ATP2A1: variants seen among roughly 807,000 people sequenced by gnomAD.
ATP2A1 encodes the protein sarcoplasmic/endoplasmic reticulum calcium ATPase 1.
In ATP2A1, 83 loss-of-function variants were observed where a neutral mutation model predicts 109.5. The ratio of observed to expected loss-of-function variants is 0.76; its 90% confidence interval spans 0.63 to 0.91. The LOEUF is 0.91. Ranked by LOEUF, ATP2A1 falls within the 40% of genes least tolerant of loss-of-function variation. ATP2A1 has a pLI of 0.00. For synonymous variants in ATP2A1, 505 were observed against 537.6 expected (o/e 0.94, Z 0.84); for missense variants, 1,101 against 1,341.0 (o/e 0.82, Z 2.80).
chr16:28,894,228 C>T lies in ATP2A1; in HGVS notation c.1169C>T (p.Ala390Val). ...NEFSITGSTYAPEGEVLKNDK... is the reference protein window; with the variant it reads ...NEFSITGSTYVPEGEVLKNDK... ...TTCTCCATCACCGGCTCCACTTACG[C>T]TCCAGAGGGAGAGGTGTAAGTCACC... is the stretch of plus-strand genomic sequence containing the variant. Residue 390 changes from alanine to valine, a missense_variant, in exon 10 of 23, where the codon GCT becomes GTT. By Grantham distance (64) the Ala-to-Val change is moderately conservative (BLOSUM62 0). Transcript: ENST00000395503. 1.2e-6 allele frequency: 2 copies of T among 1,613,988 alleles called. No homozygotes were observed. Among genetic ancestry groups the T allele is most frequent in the Non-Finnish European group, 1.7e-6 (2 of 1,179,966 alleles).
At chr16:28,894,771 CAGGT>C (rs781448979) in intron 11 of ATP2A1, 47 bp from the exon 12 acceptor site, 33 of 1,609,144 alleles carry the variant, frequency 2.1e-5, no homozygotes, top group Non-Finnish European at 2.4e-5. Context: ...GAGGGTATGA[CAGGT>C]AGGAGCCTGG....
At position 28,897,580 on chromosome 16, in the gene ATP2A1, G is replaced by A. The variant is rs185802807; in HGVS notation, c.1420-420G>A. Among the ~76,000 whole-genome samples the A allele has an allele frequency of 4.1e-4, 62 of 151,988 alleles. No individual in the cohort carries two copies. The East Asian group carries it at 0.011, about 26-fold the overall frequency. On this transcript the variant is annotated intron_variant, in intron 12 of 22. Transcript: ENST00000395503. ...TTCTGAGACGGAGTCTCGCTTTGTC[G>A]CCCAGGCTGGAGTACAATGGTGCGA...
rs1963649738 is a variant in ATP2A1 at position 28,887,618 on chromosome 16, A to G, written c.824A>G (p.Asn275Ser). The change falls in exon 8 of 23, where the codon AAC becomes AGC. Residue 275 changes from asparagine (N) to serine (S), a missense_variant. Physicochemically the swap from Asn to Ser is conservative, Grantham distance 46. Transcript: ENST00000395503. ...ATCTGTGTGGCTGTCTGGCTTATCA[A>G]CATTGGCCACTTCAACGACCCCGTC... Reference protein sequence around the residue: ...SLICVAVWLINIGHFNDPVHG... With the variant: ...SLICVAVWLISIGHFNDPVHG... 2 of 1,613,972 alleles carry G rather than the reference A, an allele frequency of 1.2e-6. No individual in the cohort carries two copies. The highest frequency in any genetic ancestry group is 2.7e-5 in the African/African-American group (2 of 74,892).
At chr16:28,895,654 G>A (rs138377672) in intron 12 of ATP2A1, among the ~76,000 whole-genome samples, 90 of 149,788 alleles carry the variant, frequency 6.0e-4, no homozygotes, top group Middle Eastern at 3.4e-3. Context: ...AGTGAGACCC[G>A]CATCTCTACA....
intron 12 of ATP2A1, among the ~76,000 whole-genome samples, chr16:28,895,685 C>G (rs760889988): frequency 1.3e-5 from 2 of 149,270 alleles, no homozygotes; most frequent in Admixed American, 6.7e-5. Flanking sequence ...AAAACAAAAA[C>G]AAAGAAAGAA....
intron 14 of ATP2A1, among the ~76,000 whole-genome samples, chr16:28,899,988 CA>C (rs201133146): frequency 6.8e-6 from 1 of 147,416 alleles, no homozygotes; most frequent in Non-Finnish European, 1.5e-5. Flanking sequence ...AAAACAAAAA[CA>C]AAAAAAAGGA....
At chr16:28,887,829 C>T in intron 8 of ATP2A1, 107 bp downstream of exon 8, 1 of 1,408,872 alleles carries the variant, frequency 7.1e-7, no homozygotes, top group Non-Finnish European at 9.8e-7. Flanking sequence ...GAGATGGAGT[C>T]TTGCTCTGTC....
chr16:28,894,753 G>A (rs1442920964), intron 11 of ATP2A1, 69 bp from the exon 12 acceptor site: 4 of 1,607,958 alleles, frequency 2.5e-6, no homozygotes, highest in Admixed American at 1.7e-5. Context: ...TCTTACGCTA[G>A]GTGGAAGGAG....
rs1385621715 is a variant in ATP2A1, at chr16:28,897,996, C to T, written c.1420-4C>T. The T allele has an allele frequency of 3.1e-6, 5 of 1,614,162 alleles. No homozygotes were observed. The highest frequency in any genetic ancestry group is 3.4e-6 in the Non-Finnish European group (4 of 1,180,028). ...CTGGTCTCCCCTCCCTGTCTCCTCTCCAGGTGATCCGCCAGCTAATGAAGA... is the reference window on the plus strand; with the variant it reads ...CTGGTCTCCCCTCCCTGTCTCCTCTTCAGGTGATCCGCCAGCTAATGAAGA... On this transcript the variant is annotated splice_region_variant and splice_polypyrimidine_tract_variant and intron_variant, in intron 12 of 22. Coordinates refer to ENST00000395503, the MANE Select transcript of ATP2A1 (RefSeq NM_004320.6).
At chr16:28,900,486 T>G in intron 14 of ATP2A1, 95 bp from the exon 15 acceptor site, 16 of 506,426 alleles carry the variant, frequency 3.2e-5, no homozygotes, top group Non-Finnish European at 4.7e-5. Flanking sequence ...CACCACTTCC[T>G]GACCTTTCAC....
intron 8 of ATP2A1, among the ~76,000 whole-genome samples, 168 bp from the exon 9 acceptor site, chr16:28,888,619 G>T (rs1281072745): frequency 6.6e-6 from 1 of 151,728 alleles, no homozygotes; most frequent in Non-Finnish European, 1.5e-5. Flanking sequence ...TTTCCAGGCT[G>T]GTCTCAAACT....
chr16:28,892,385 C>A (rs983618292), intron 9 of ATP2A1: 1 of 386,592 alleles, frequency 2.6e-6, no homozygotes, highest in South Asian at 1.9e-5. Flanking sequence ...CACCCATGAA[C>A]TAGAAATTGC....
In ATP2A1 at chr16:28,880,901, C is replaced by A; in HGVS notation, c.220-14C>A. 6.2e-7 allele frequency: 1 copy of A among 1,610,682 alleles called. No homozygotes were observed. Reference sequence around the variant, plus strand: ...GCCTCATTACCTGTCATTCTCCTTTCCCCTGCTCCCCAGGTGCTGGCCTGG... The same window carrying A: ...GCCTCATTACCTGTCATTCTCCTTTACCCTGCTCCCCAGGTGCTGGCCTGG... On this transcript the variant is annotated splice_polypyrimidine_tract_variant and intron_variant, in intron 3 of 22. Coordinates refer to ENST00000395503, the MANE Select transcript of ATP2A1 (RefSeq NM_004320.6). This position sits in a 1 kb window ranked among gnomAD's most constrained non-coding sequence, Gnocchi z 4.2.
chr16:28,902,911 G>A lies in ATP2A1; in HGVS notation c.2744G>A (p.Ser915Asn). The change falls in exon 19 of 23, where the codon AGC (serine) becomes AAC (asparagine). Residue 915 changes from serine to asparagine, a missense_variant and splice_region_variant. By Grantham distance (46) the Ser-to-Asn change is conservative. Transcript: ENST00000395503. The surrounding 1 kb of genome is among the most constrained non-coding windows in gnomAD (Gnocchi z 4.8). ...VTIEMCNALN[S>N]LSENQSLLRM... is the part of the protein sequence containing the mutation. Reference sequence around the variant, plus strand: ...ATCGAGATGTGCAATGCACTGAACAGGTGGGGGCCCCCCAGCTACACCCAC... The same window carrying A: ...ATCGAGATGTGCAATGCACTGAACAAGTGGGGGCCCCCCAGCTACACCCAC... 6.2e-7 allele frequency: 1 copy of A among 1,613,794 alleles called. No individual in the cohort carries two copies. Among genetic ancestry groups the A allele is most frequent in the Non-Finnish European group, 8.5e-7 (1 of 1,179,914 alleles).
At position 28,882,576 on chromosome 16, in the gene ATP2A1, C is replaced by T. The variant is rs781369773; in HGVS notation, c.450C>T (p.Ile150=). Residue 150 remains isoleucine, a synonymous_variant, in exon 5 of 23, where the codon ATC becomes ATT. Transcript: ENST00000395503. ...CTCGGGACATCGTCCCTGGGGACAT[C>T]GTGGAGGTGGCTGGTGAGTGACAGG... ...IKARDIVPGD[I]VEVAVGDKVP... is the part of the protein sequence containing the mutation. The T allele has an allele frequency of 1.5e-5, 24 of 1,614,012 alleles. No homozygotes were observed. The highest frequency in any genetic ancestry group is 1.6e-4 in the Middle Eastern group (1 of 6,084).
At position 28,887,203 on chromosome 16, in the gene ATP2A1, G is replaced by A. The variant is rs1696927637; in HGVS notation, c.559G>A (p.Val187Ile). 1.2e-6 allele frequency: 2 copies of A among 1,613,710 alleles called. No individual in the cohort carries two copies. The highest frequency in any genetic ancestry group is 1.1e-5 in the South Asian group (1 of 91,050). ...QSILTGESVSVIKHTEPVPDP... is the reference protein window; with the variant it reads ...QSILTGESVSIIKHTEPVPDP... ...CTTCTCCACAGGCGAGTCTGTATCT[G>A]TCATCAAACACACGGAGCCCGTTCC... is the stretch of plus-strand genomic sequence containing the variant. Residue 187 changes from valine to isoleucine, a missense_variant, in exon 7 of 23, where the codon GTC becomes ATC. By Grantham distance (29) the Val-to-Ile change is conservative. Coordinates refer to ENST00000395503, the MANE Select transcript of ATP2A1 (RefSeq NM_004320.6).
chr16:28,894,072 C>A, intron 9 of ATP2A1, 83 bp from the exon 10 acceptor site: 3 of 1,180,058 alleles, frequency 2.5e-6, no homozygotes, highest in Non-Finnish European at 3.8e-6. Context: ...TAGGTGTTGG[C>A]AGTGCAGGCC....
At chr16:28,892,603 ATC>A (rs1361718731) in intron 9 of ATP2A1, 1 of 154,726 alleles carries the variant, frequency 6.5e-6, no homozygotes, top group Non-Finnish European at 1.4e-5. Flanking sequence ...CATCTTAACC[ATC>A]TCTCTTCTCG....
chr16:28,881,991 G>A, intron 4 of ATP2A1, among the ~76,000 whole-genome samples: 1 of 151,484 alleles, frequency 6.6e-6, no homozygotes, highest in East Asian at 1.9e-4. Flanking sequence ...AGGCTGGAGT[G>A]CAGTGGCGTA....
Sources: allele counts gnomAD v4.1 joint callset (sites outside exome capture counted in the v4.1 genomes callset), GRCh38; gene constraint gnomAD v4.1.1; non-coding constraint Gnocchi (gnomAD v3.1); transcripts MANE v1.5; gene names NCBI Gene and HGNC (gene_info 2026-07-23, HGNC 2026-07-21).